Variants in ELOVL6 observed in about 807,000 individuals in gnomAD.
The protein encoded by ELOVL6 is ELOVL fatty acid elongase 6.
In ELOVL6, 8 loss-of-function variants were observed where a neutral mutation model predicts 31.7. That is an observed-to-expected ratio of 0.25 (90% CI 0.15 to 0.45). The LOEUF is 0.45. ELOVL6 is among the 20% of genes least tolerant of loss of function. The pLI, the probability that ELOVL6 is intolerant of heterozygous loss-of-function variation, is 1.00. For missense variants in ELOVL6, 126 were observed against 326.4 expected, an observed-to-expected ratio of 0.39 and a Z score of 4.73; for synonymous variants, 101 against 117.7, an observed-to-expected ratio of 0.86 and a Z score of 0.92.
intron 2 of ELOVL6, among the ~76,000 whole-genome samples, chr4:110,081,080 A>G (rs531702173): frequency 4.6e-5 from 7 of 152,310 alleles, no homozygotes; most frequent in East Asian, 1.9e-4. Flanking sequence ...CCACTGCTCA[A>G]TGAAATAAAA....
intron 2 of ELOVL6, among the ~76,000 whole-genome samples, chr4:110,068,760 C>T (rs1411752754): frequency 1.3e-5 from 2 of 152,144 alleles, no homozygotes; most frequent in Admixed American, 6.5e-5. Flanking sequence ...AGTTACCTGG[C>T]ACAGCAAAGA....
chr4:110,198,428 C>CGGTACCTAAACCCT lies in ELOVL6; in HGVS notation c.-94_-93insAGGGTTTAGGTACC. On this transcript the variant is annotated 5_prime_UTR_variant, in exon 1 of 4. Transcript: ENST00000302274. ...TTCGAGTGTTCTCCTGTCTGCTTCC[C>CGGTACCTAAACCCT]CCACCCACCCCCCTAGGTCTTCCCC... 1 of 767,460 alleles carries CGGTACCTAAACCCT rather than the reference C, an allele frequency of 1.3e-6. No individual in the cohort carries two copies. 47.5% of individuals were successfully genotyped at this position (767,460 alleles called of 1,614,324 possible).
chr4:110,177,558 T>C lies in ELOVL6; in HGVS notation c.89+20689A>G, dbSNP rs1007557091. Among the ~76,000 whole-genome samples the C allele has an allele frequency of 9.9e-5, 15 of 152,196 alleles. 1 individual carries two copies. The South Asian group carries it at 2.1e-3, about 21-fold the overall frequency. ...TTGACAAGAAAGCAAATAAAAAGGC[T>C]CCCATGCCACTGCTCCTTTCTTTCT... On this transcript the variant is annotated intron_variant, in intron 1 of 3. Transcript: ENST00000302274.
At chr4:110,114,918 T>C (rs1757133635) in intron 1 of ELOVL6, among the ~76,000 whole-genome samples, 1 of 152,042 alleles carries the variant, frequency 6.6e-6, no homozygotes, top group Admixed American at 6.6e-5. Context: ...CATAAACATA[T>C]CCATGTTTAT....
chr4:110,095,858 T>A (rs900482044), intron 2 of ELOVL6, among the ~76,000 whole-genome samples: 4 of 152,160 alleles, frequency 2.6e-5, no homozygotes, highest in Admixed American at 6.5e-5. Context: ...TACAACTTGG[T>A]GACTGGGTAA....
At chr4:110,175,678 C>T (rs1022860794) in intron 1 of ELOVL6, among the ~76,000 whole-genome samples, 6 of 152,116 alleles carry the variant, frequency 3.9e-5, no homozygotes, top group Non-Finnish European at 8.8e-5. Flanking sequence ...CAAAGCTGAA[C>T]AAGGATCAGA....
intron 2 of ELOVL6, among the ~76,000 whole-genome samples, chr4:110,084,405 T>TAC (rs1481491062): frequency 1.8e-4 from 14 of 79,110 alleles, no homozygotes; most frequent in Admixed American, 2.7e-4. Flanking sequence ...ATATATGATA[T>TAC]ATGACATACA....
At position 110,051,370 on chromosome 4, in the gene ELOVL6, C is replaced by T. The variant is rs374061960; in HGVS notation, c.766G>A (p.Gly256Ser). 31 of 1,613,962 alleles carry T rather than the reference C, an allele frequency of 1.9e-5. No individual in the cohort carries two copies. In the Admixed American group the frequency reaches 3.7e-4, roughly 19 times the overall value. The change falls in exon 4 of 4, where the codon GGC becomes AGC. Residue 256 changes from glycine to serine, a missense_variant. By Grantham distance (56) the Gly-to-Ser change is moderately conservative. This residue lies in a region of ELOVL6 where 57 missense variants were observed against 110.2 expected (regional missense o/e 0.52). Transcript: ENST00000302274. The surrounding 1 kb of genome is among the most constrained non-coding windows in gnomAD (Gnocchi z 4.8). Reference protein sequence around the residue: ...FCHFFFEAYIGKMRKTTKAE With the variant: ...FCHFFFEAYISKMRKTTKAE ...GCTTTCGTTGTTTTCCTCATTTTGCCGATGTAGGCCTCAAAGAAGAAATGG... is the reference window on the plus strand; with the variant it reads ...GCTTTCGTTGTTTTCCTCATTTTGCTGATGTAGGCCTCAAAGAAGAAATGG...
intron 2 of ELOVL6, among the ~76,000 whole-genome samples, chr4:110,088,891 GT>G (rs34413938): frequency 0.25 from 37,636 of 151,906 alleles, 4,851 homozygotes; most frequent in Non-Finnish European, 0.29. Flanking sequence ...ACTTAAAACT[GT>G]ATAAATTGTT....
chr4:110,192,305 A>G (rs1759648040), intron 1 of ELOVL6, among the ~76,000 whole-genome samples: 1 of 152,180 alleles, frequency 6.6e-6, no homozygotes, highest in South Asian at 2.1e-4. Flanking sequence ...GTTTCCAGCC[A>G]TTTTTCTTAC....
At chr4:110,090,123 G>T (rs2126238989) in intron 2 of ELOVL6, among the ~76,000 whole-genome samples, 1 of 152,288 alleles carries the variant, frequency 6.6e-6, no homozygotes, top group Admixed American at 6.5e-5. Context: ...TTAATACAGT[G>T]CCAGGCACCA....
At chr4:110,170,181 T>C (rs770510920) in intron 1 of ELOVL6, among the ~76,000 whole-genome samples, 1 of 152,210 alleles carries the variant, frequency 6.6e-6, no homozygotes, top group Non-Finnish European at 1.5e-5. Context: ...AGAACATGCT[T>C]TATGATTTAA....
chr4:110,118,937 T>G (rs1240829100), intron 1 of ELOVL6, among the ~76,000 whole-genome samples: 1 of 152,176 alleles, frequency 6.6e-6, no homozygotes, highest in Non-Finnish European at 1.5e-5. Context: ...GGTAGGCATC[T>G]GTAGTCCCAG....
chr4:110,081,204 G>C (rs1366400847), intron 2 of ELOVL6, among the ~76,000 whole-genome samples: 4 of 152,050 alleles, frequency 2.6e-5, no homozygotes, highest in Non-Finnish European at 5.9e-5. Flanking sequence ...TCCCCATCAA[G>C]CTACCAATGA....
chr4:110,065,789 G>A (rs1163686667), intron 2 of ELOVL6, among the ~76,000 whole-genome samples: 1 of 152,068 alleles, frequency 6.6e-6, no homozygotes, highest in Admixed American at 6.5e-5. Context: ...AAGAATTCCA[G>A]AATTCTGCCC....
chr4:110,115,501 C>T (rs910358746), intron 1 of ELOVL6, among the ~76,000 whole-genome samples: 4 of 152,014 alleles, frequency 2.6e-5, no homozygotes, highest in East Asian at 1.9e-4. Flanking sequence ...CCCAGCATTT[C>T]GGGAGGCCAA....
At chr4:110,158,664 T>G (rs1424492488) in intron 1 of ELOVL6, among the ~76,000 whole-genome samples, 1 of 127,320 alleles carries the variant, frequency 7.9e-6, no homozygotes, top group Non-Finnish European at 1.7e-5. Context: ...TATATTTTTT[T>G]TTTTTTTTTT....
At chr4:110,080,020 A>T (rs1411183932) in intron 2 of ELOVL6, among the ~76,000 whole-genome samples, 1 of 152,126 alleles carries the variant, frequency 6.6e-6, no homozygotes, top group Non-Finnish European at 1.5e-5. Flanking sequence ...CGACACATAC[A>T]CCCTCCCAAG....
At chr4:110,196,773 C>G (rs1009845852) in intron 1 of ELOVL6, among the ~76,000 whole-genome samples, 1 of 152,082 alleles carries the variant, frequency 6.6e-6, no homozygotes, top group Non-Finnish European at 1.5e-5. Flanking sequence ...GCAGGCCTGC[C>G]CCGCCGGTGC....
Sources: gnomAD v4.1 joint callset for allele counts (sites outside exome capture counted in the v4.1 genomes callset) on GRCh38, gnomAD v4.1.1 for gene constraint, gnomAD v4.1.1 regional missense constraint, Gnocchi (gnomAD v3.1) non-coding constraint, MANE v1.5 for transcripts, NCBI Gene and HGNC (gene_info 2026-07-23, HGNC 2026-07-21) for gene names.